Variants in LGR5 observed in about 807,000 individuals in gnomAD.
LGR5 encodes the protein leucine rich repeat containing G protein-coupled receptor 5.
A neutral mutation model predicts 76.7 loss-of-function variants in LGR5; 54 were observed. That is an observed-to-expected ratio of 0.70 (90% CI 0.57 to 0.88). LGR5 has a LOEUF of 0.88. LGR5 is among the 40% of genes least tolerant of loss of function. LGR5 has a pLI of 0.00. For missense variants in LGR5, 1,078 were observed against 1,073.3 expected (o/e 1.00, Z -0.06); for synonymous variants, 406 against 421.9 (o/e 0.96, Z 0.46).
intron 1 of LGR5, among the ~76,000 whole-genome samples, chr12:71,482,803 G>T (rs1057009065): frequency 6.6e-6 from 1 of 152,144 alleles, no homozygotes; most frequent in African/African-American, 2.4e-5. Flanking sequence ...AAAGCCAGTA[G>T]TTTGATATTT....
At chr12:71,457,376 C>G (rs1176801313) in intron 1 of LGR5, among the ~76,000 whole-genome samples, 1 of 152,088 alleles carries the variant, frequency 6.6e-6, no homozygotes, top group African/African-American at 2.4e-5. Context: ...TTGCTTTGAT[C>G]AGGAAGATAA....
At chr12:71,463,711 T>C (rs1181686792) in intron 1 of LGR5, among the ~76,000 whole-genome samples, 2 of 152,166 alleles carry the variant, frequency 1.3e-5, no homozygotes, top group Admixed American at 6.6e-5. Flanking sequence ...AGGTAATTGA[T>C]CATTCTACTG....
At chr12:71,492,716 T>C (rs1592487116) in intron 1 of LGR5, among the ~76,000 whole-genome samples, 1 of 152,156 alleles carries the variant, frequency 6.6e-6, no homozygotes, top group Non-Finnish European at 1.5e-5. Context: ...TTTTTTCCAA[T>C]GGCCTGACTG....
At chr12:71,495,692 G>A (rs1874281616) in intron 1 of LGR5, among the ~76,000 whole-genome samples, 1 of 151,104 alleles carries the variant, frequency 6.6e-6, no homozygotes, top group South Asian at 2.1e-4. Context: ...ACTCAACTCT[G>A]AAATATCAAG....
chr12:71,514,504 C>T (rs1299499258), intron 2 of LGR5, among the ~76,000 whole-genome samples: 4 of 147,588 alleles, frequency 2.7e-5, no homozygotes, highest in Non-Finnish European at 4.5e-5. Flanking sequence ...GAAGGCGGAG[C>T]TTGCAGTGAG....
intron 2 of LGR5, among the ~76,000 whole-genome samples, chr12:71,507,712 C>T (rs1874924852): frequency 6.6e-6 from 1 of 151,988 alleles, no homozygotes; most frequent in South Asian, 2.1e-4. Flanking sequence ...ACCCATACAG[C>T]TAGAAATGTT....
At chr12:71,473,972 C>T (rs780310180) in intron 1 of LGR5, among the ~76,000 whole-genome samples, 1 of 152,120 alleles carries the variant, frequency 6.6e-6, no homozygotes, top group African/African-American at 2.4e-5. Flanking sequence ...AAAAAGGATG[C>T]TGAGTGTCGA....
At chr12:71,525,566 C>T (rs1018745564) in intron 3 of LGR5, among the ~76,000 whole-genome samples, 5 of 151,792 alleles carry the variant, frequency 3.3e-5, no homozygotes, top group Non-Finnish European at 4.4e-5. Flanking sequence ...CAAAATGTAT[C>T]GTGAGAGTCA....
At position 71,494,181 on chromosome 12, in the gene LGR5, C is replaced by T. The variant is rs191740390; in HGVS notation, c.213-10433C>T. On this transcript the variant is annotated intron_variant, in intron 1 of 17. Transcript: ENST00000266674. ...CAGGATGGTCTTGATCTCCTGACCT[C>T]GTGATCTGCCCGCCTCGGCCTCCCA... Among the ~76,000 whole-genome samples, 201 of 150,828 alleles carry T rather than the reference C, an allele frequency of 1.3e-3. 1 individual carries two copies. The highest frequency in any genetic ancestry group is 6.9e-4 in the Non-Finnish European group (47 of 67,974).
Position 71,561,720 on chromosome 12 carries a change from G to A in LGR5, c.786-61G>A, listed in dbSNP as rs900784975. ...TTATTGCCACTGTGGTCAGGGTGGG[G>A]GCCTCTATTAAATAATTTTACCCCA... On this transcript the variant is annotated intron_variant, in intron 7 of 17. Coordinates refer to ENST00000266674, the MANE Select transcript of LGR5 (RefSeq NM_003667.4). The A allele has an allele frequency of 5.7e-5, 51 of 900,636 alleles. No individual in the cohort carries two copies. The African/African-American group carries it at 7.8e-4, about 14-fold the overall frequency. The allele number at this position is 900,636 out of a possible 1,614,324, so 55.8% of individuals were successfully genotyped here.
chr12:71,547,924 T>C (rs902120992), intron 4 of LGR5, among the ~76,000 whole-genome samples: 1 of 151,990 alleles, frequency 6.6e-6, no homozygotes, highest in Non-Finnish European at 1.5e-5. Flanking sequence ...GTAGGGAAAA[T>C]TTTTGTTTTA....
intron 13 of LGR5, among the ~76,000 whole-genome samples, chr12:71,574,633 T>C (rs1161775099): frequency 6.6e-6 from 1 of 152,198 alleles, no homozygotes; most frequent in East Asian, 1.9e-4. Context: ...GTCTTCAAGA[T>C]CAGACCAAAC....
At chr12:71,578,064 AG>A in intron 14 of LGR5, 68 bp downstream of exon 14, 1 of 1,310,630 alleles carries the variant, frequency 7.6e-7, no homozygotes, top group Non-Finnish European at 1.1e-6. Context: ...TAATTTTAAA[AG>A]TTGGTTTTGT....
intron 1 of LGR5, among the ~76,000 whole-genome samples, chr12:71,484,279 C>T (rs1231085748): frequency 6.6e-6 from 1 of 152,130 alleles, no homozygotes; most frequent in Non-Finnish European, 1.5e-5. Context: ...TGGTACAGTC[C>T]TTTAGAGTTT....
intron 1 of LGR5, among the ~76,000 whole-genome samples, chr12:71,475,938 G>A (rs1216329255): frequency 1.3e-5 from 2 of 152,072 alleles, no homozygotes; most frequent in African/African-American, 4.8e-5. Context: ...CTCCTTGGAC[G>A]AACCTTGAGA....
intron 1 of LGR5, among the ~76,000 whole-genome samples, chr12:71,498,594 C>G (rs1751234628): frequency 6.6e-6 from 1 of 152,172 alleles, no homozygotes; most frequent in African/African-American, 2.4e-5. Context: ...GGACACTAAT[C>G]TCATCATGGG....
chr12:71,447,593 T>G (rs934772701), intron 1 of LGR5, among the ~76,000 whole-genome samples: 7 of 152,216 alleles, frequency 4.6e-5, no homozygotes, highest in African/African-American at 1.7e-4. Flanking sequence ...CATTTTATCC[T>G]TCTTGCCTTC....
chr12:71,446,785 A>G (rs1872015552), intron 1 of LGR5, among the ~76,000 whole-genome samples: 1 of 152,188 alleles, frequency 6.6e-6, no homozygotes, highest in Non-Finnish European at 1.5e-5. Flanking sequence ...GCAGTTTTCA[A>G]TTTTCCAATA....
intron 1 of LGR5, among the ~76,000 whole-genome samples, chr12:71,493,942 GATT>G (rs1199318084): frequency 7.6e-6 from 1 of 131,144 alleles, no homozygotes; most frequent in Non-Finnish European, 1.6e-5. Context: ...CTAATTTTTT[GATT>G]TTTTTTTTTT....
Sources: gnomAD v4.1 joint callset for allele counts (sites outside exome capture counted in the v4.1 genomes callset) on GRCh38, gnomAD v4.1.1 for gene constraint, MANE v1.5 for transcripts, NCBI Gene and HGNC (gene_info 2026-07-23, HGNC 2026-07-21) for gene names.